Variants in NKAIN3 observed in about 807,000 individuals in gnomAD.
NKAIN3 encodes sodium/potassium transporting ATPase interacting 3, also known as sodium/potassium-transporting ATPase subunit beta-1-interacting protein 3.
A neutral mutation model predicts 30.2 loss-of-function variants in NKAIN3; 25 were observed. The ratio of observed to expected loss-of-function variants is 0.83; its 90% confidence interval spans 0.60 to 1.16. NKAIN3 has a LOEUF of 1.16. NKAIN3 is among the 50% of genes most tolerant of loss of function. The probability of loss-of-function intolerance (pLI) is 0.00; values close to 1 mark genes in which losing one functional copy is unlikely to be tolerated. For missense variants in NKAIN3, 225 were observed against 254.1 expected, an observed-to-expected ratio of 0.89 and a Z score of 0.78; for synonymous variants, 91 against 89.6, an observed-to-expected ratio of 1.02 and a Z score of -0.09.
chr8:62,896,337 C>A (rs145700317), intron 4 of NKAIN3, among the ~76,000 whole-genome samples: 1 of 152,234 alleles, frequency 6.6e-6, no homozygotes, highest in East Asian at 1.9e-4. Context: ...CCTCCTAATA[C>A]CAGCATGTTA....
intron 1 of NKAIN3, among the ~76,000 whole-genome samples, chr8:62,306,054 T>G (rs993333144): frequency 2.0e-5 from 3 of 150,544 alleles, no homozygotes; most frequent in Non-Finnish European, 4.4e-5. Flanking sequence ...AATTTTTGTC[T>G]ATAATAAATT....
rs1335593205 is a variant in NKAIN3 at position 62,973,628 on chromosome 8, G to A, written c.*8221G>A. Among the ~76,000 whole-genome samples the A allele has an allele frequency of 6.6e-6, 1 of 152,132 alleles. No homozygotes were observed. Among genetic ancestry groups the A allele is most frequent in the South Asian group, 2.1e-4 (1 of 4,822 alleles). ...ATTCTGTAGGTTGCCTGTTCACTCT[G>A]ATAATAGTTTCTTTTGCTGCACAGA... On this transcript the variant is annotated 3_prime_UTR_variant, in exon 7 of 7. Coordinates refer to ENST00000623646, the MANE Select transcript of NKAIN3 (RefSeq NM_001304533.3).
intron 5 of NKAIN3, among the ~76,000 whole-genome samples, chr8:62,949,436 T>C (rs1823217945): frequency 6.6e-6 from 1 of 152,218 alleles, no homozygotes; most frequent in Non-Finnish European, 1.5e-5. Context: ...TGTAATTCCT[T>C]CAGTTCTGTG....
chr8:62,588,963 T>C (rs2130100470), intron 2 of NKAIN3, among the ~76,000 whole-genome samples: 1 of 151,962 alleles, frequency 6.6e-6, no homozygotes, highest in Admixed American at 6.6e-5. Flanking sequence ...GATTCTCCAT[T>C]GATGAGTCTC....
chr8:62,787,966 T>C (rs538669430), intron 4 of NKAIN3, among the ~76,000 whole-genome samples: 1 of 152,140 alleles, frequency 6.6e-6, no homozygotes, highest in Non-Finnish European at 1.5e-5. Flanking sequence ...TCTTTGCTAT[T>C]GTGAATAGTG....
intron 3 of NKAIN3, among the ~76,000 whole-genome samples, chr8:62,740,343 C>A (rs1460086603): frequency 6.6e-6 from 1 of 152,042 alleles, no homozygotes; most frequent in Non-Finnish European, 1.5e-5. Context: ...TCTTTAAGGT[C>A]ACGTTTTCAC....
At chr8:62,475,036 C>T (rs1333537413) in intron 1 of NKAIN3, among the ~76,000 whole-genome samples, 1 of 152,038 alleles carries the variant, frequency 6.6e-6, no homozygotes, top group African/African-American at 2.4e-5. Flanking sequence ...GCTAAAAAGC[C>T]AGTAGAGAGA....
intron 3 of NKAIN3, among the ~76,000 whole-genome samples, chr8:62,677,605 G>C (rs1586079597): frequency 6.6e-6 from 1 of 152,156 alleles, no homozygotes; most frequent in African/African-American, 2.4e-5. Flanking sequence ...ACCTAATATG[G>C]AACCAGCTCC....
chr8:62,471,557 T>C (rs2129600043), intron 1 of NKAIN3, among the ~76,000 whole-genome samples: 1 of 152,310 alleles, frequency 6.6e-6, no homozygotes, highest in South Asian at 2.1e-4. Context: ...TGTCTCCTGT[T>C]GGAGGAAGTA....
Position 62,402,946 on chromosome 8 carries a change from G to A in NKAIN3, c.54+153819G>A, listed in dbSNP as rs1803934029. ...GTTGGGAACTTCCTAGAGACTTGGT[G>A]GGCTCAGAAGACAGGAAGATGTGGG... On this transcript the variant is annotated intron_variant, in intron 1 of 6. Coordinates refer to ENST00000623646, the MANE Select transcript of NKAIN3 (RefSeq NM_001304533.3). Among the ~76,000 whole-genome samples, 3 of 152,264 alleles carry A rather than the reference G, an allele frequency of 2.0e-5. No individual in the cohort carries two copies. In the South Asian group the frequency reaches 6.2e-4, roughly 32 times the overall value.
At chr8:62,462,135 GAA>G (rs1299750236) in intron 1 of NKAIN3, among the ~76,000 whole-genome samples, 1 of 152,148 alleles carries the variant, frequency 6.6e-6, no homozygotes, top group African/African-American at 2.4e-5. Context: ...CATTATGAAA[GAA>G]GAGAGACAGA....
chr8:62,721,426 G>A (rs138589783), intron 3 of NKAIN3, among the ~76,000 whole-genome samples: 5 of 152,286 alleles, frequency 3.3e-5, no homozygotes, highest in Middle Eastern at 3.4e-3. Flanking sequence ...ATTCTCCTTT[G>A]ATTCAAGTTT....
chr8:62,698,323 A>C (rs1224985786), intron 3 of NKAIN3, among the ~76,000 whole-genome samples: 3 of 152,192 alleles, frequency 2.0e-5, no homozygotes, highest in Non-Finnish European at 4.4e-5. Flanking sequence ...CCCAGTGCTT[A>C]GTATGTGTGA....
chr8:62,542,756 A>G (rs1290966781), intron 1 of NKAIN3, among the ~76,000 whole-genome samples: 2 of 152,350 alleles, frequency 1.3e-5, no homozygotes, highest in Admixed American at 1.3e-4. Flanking sequence ...ACCTACAATC[A>G]AACATAAGAA....
rs571963782 is a variant in NKAIN3, at chr8:62,563,897, G to T, written c.55-15642G>T. On this transcript the variant is annotated intron_variant, in intron 1 of 6. Coordinates refer to ENST00000623646, the MANE Select transcript of NKAIN3 (RefSeq NM_001304533.3). ...GGAGAGAGCTTCCAAACCTAGTATT[G>T]AGCTCTGCAGGGAATTTCAAAACTC... Among the ~76,000 whole-genome samples the T allele has an allele frequency of 4.4e-4, 67 of 152,192 alleles. No individual in the cohort carries two copies. In the South Asian group the frequency reaches 0.013, roughly 31 times the overall value.
chr8:62,574,430 G>GCATTTATTTTATT (rs1810043677), intron 1 of NKAIN3, among the ~76,000 whole-genome samples: 1 of 152,012 alleles, frequency 6.6e-6, no homozygotes, highest in Non-Finnish European at 1.5e-5. Context: ...GGATCATATG[G>GCATTTATTTTATT]TAGCTCTATT....
intron 1 of NKAIN3, among the ~76,000 whole-genome samples, chr8:62,397,654 T>C (rs1467768548): frequency 6.6e-6 from 1 of 152,056 alleles, no homozygotes; most frequent in Non-Finnish European, 1.5e-5. Flanking sequence ...AGATGGTAAA[T>C]TTTACATAAG....
intron 1 of NKAIN3, among the ~76,000 whole-genome samples, chr8:62,451,303 C>A (rs1368232534): frequency 6.9e-6 from 1 of 145,968 alleles, no homozygotes; most frequent in African/African-American, 2.5e-5. Flanking sequence ...CCTCCCGTCC[C>A]CTCCCCTCCC....
At chr8:62,654,683 A>C (rs1040323888) in intron 3 of NKAIN3, among the ~76,000 whole-genome samples, 5 of 152,192 alleles carry the variant, frequency 3.3e-5, no homozygotes, top group African/African-American at 1.2e-4. Context: ...CCATACTATC[A>C]ATCACATGAA....
Sources: allele counts gnomAD v4.1 joint callset (sites outside exome capture counted in the v4.1 genomes callset), GRCh38; gene constraint gnomAD v4.1.1; transcripts MANE v1.5; gene names NCBI Gene and HGNC (gene_info 2026-07-23, HGNC 2026-07-21).